CFAP61: variants seen among roughly 807,000 people sequenced by gnomAD.
CFAP61 encodes cilia- and flagella-associated protein 61.
CFAP61 carries 107 observed loss-of-function variants against 135.6 expected under a neutral mutation model. That is an observed-to-expected ratio of 0.79 (90% CI 0.67 to 0.93). The LOEUF (loss-of-function observed/expected upper bound fraction) is 0.93. Among genes scored for constraint, CFAP61 ranks in the 40% least tolerant of loss-of-function variants. CFAP61 has a pLI of 0.00. For missense variants in CFAP61, 1,507 were observed against 1,556.2 expected (o/e 0.97, Z 0.53); for synonymous variants, 575 against 578.5 (o/e 0.99, Z 0.09).
In CFAP61 at chr20:20,085,528, C is replaced by T. The variant is rs187730443; in HGVS notation, c.567-5316C>T. The T allele has an allele frequency of 4.2e-5, 57 of 1,366,310 alleles. 1 individual carries two copies. In the East Asian group the frequency reaches 2.2e-3, roughly 53 times the overall value. The allele number at this position is 1,366,310 out of a possible 1,614,324, so 84.6% of individuals were successfully genotyped here. A position where few individuals can be genotyped will look rare whatever the true frequency, so the allele number is the denominator to read the frequency against. On this transcript the variant is annotated intron_variant, in intron 6 of 26. Coordinates refer to ENST00000245957, the MANE Select transcript of CFAP61 (RefSeq NM_015585.4). ...TTTTTCTATTTTTCCCAGAAGAATT[C>T]GTGTTGAGGTATGATTATGGATAAC...
intron 13 of CFAP61, among the ~76,000 whole-genome samples, chr20:20,182,163 C>T (rs1009966486): frequency 4.6e-5 from 7 of 152,122 alleles, no homozygotes; most frequent in Admixed American, 1.3e-4. Context: ...CTCTAAATCT[C>T]TATGATTTAT....
At chr20:20,213,401 A>G (rs2047805638) in intron 17 of CFAP61, among the ~76,000 whole-genome samples, 1 of 152,108 alleles carries the variant, frequency 6.6e-6, no homozygotes, top group African/African-American at 2.4e-5. Context: ...CTATTTCTCA[A>G]AACGGGAGGG....
chr20:20,259,388 G>A (rs963884763), intron 20 of CFAP61, among the ~76,000 whole-genome samples: 2 of 150,724 alleles, frequency 1.3e-5, no homozygotes, highest in Admixed American at 1.3e-4. Context: ...CGAGTAGCTG[G>A]GACTATACAG....
chr20:20,169,895 C>A (rs1437660494), intron 13 of CFAP61, among the ~76,000 whole-genome samples: 2 of 152,102 alleles, frequency 1.3e-5, no homozygotes, highest in African/African-American at 4.8e-5. Flanking sequence ...TTTTTTTATA[C>A]TCTATCATAA....
At chr20:20,209,646 G>T (rs779580861) in intron 17 of CFAP61, among the ~76,000 whole-genome samples, 1 of 152,016 alleles carries the variant, frequency 6.6e-6, no homozygotes, top group African/African-American at 2.4e-5. Flanking sequence ...CCACCTGATG[G>T]GAGTAAAAGT....
intron 2 of CFAP61, among the ~76,000 whole-genome samples, chr20:20,064,754 T>A (rs1389195928): frequency 6.6e-6 from 1 of 152,102 alleles, no homozygotes; most frequent in Non-Finnish European, 1.5e-5. Flanking sequence ...TCCCAAGAGG[T>A]AGACCACATT....
At chr20:20,216,441 G>A (rs2048039592) in intron 17 of CFAP61, among the ~76,000 whole-genome samples, 1 of 152,208 alleles carries the variant, frequency 6.6e-6, no homozygotes, top group Non-Finnish European at 1.5e-5. Context: ...GTGAGCAAAA[G>A]GGAGAATTTC....
At chr20:20,175,791 A>C (rs1375854980) in intron 13 of CFAP61, among the ~76,000 whole-genome samples, 1 of 152,068 alleles carries the variant, frequency 6.6e-6, no homozygotes, top group African/African-American at 2.4e-5. Flanking sequence ...TCGGCCTCCC[A>C]AAATGCTGGG....
intron 17 of CFAP61, among the ~76,000 whole-genome samples, chr20:20,208,437 C>T (rs1276450812): frequency 6.6e-6 from 1 of 152,200 alleles, no homozygotes; most frequent in Non-Finnish European, 1.5e-5. Flanking sequence ...CTCCCCTGAC[C>T]CGCTGCTGAA....
chr20:20,283,855 T>C (rs1255448629), intron 22 of CFAP61, among the ~76,000 whole-genome samples: 1 of 152,240 alleles, frequency 6.6e-6, no homozygotes, highest in Non-Finnish European at 1.5e-5. Context: ...TCCCTTCATA[T>C]TTCAAATCCT....
At chr20:20,082,017 G>C (rs1241207250) in intron 6 of CFAP61, among the ~76,000 whole-genome samples, 1 of 152,170 alleles carries the variant, frequency 6.6e-6, no homozygotes, top group Non-Finnish European at 1.5e-5. Flanking sequence ...TTCGAGTTTT[G>C]ATACTTGCAG....
chr20:20,231,342 G>C (rs2049121683), intron 18 of CFAP61, among the ~76,000 whole-genome samples: 1 of 152,100 alleles, frequency 6.6e-6, no homozygotes, highest in Non-Finnish European at 1.5e-5. Context: ...GAGCCTGTTG[G>C]GCCCTCCAGC....
At chr20:20,143,639 C>G (rs1294914677) in intron 9 of CFAP61, among the ~76,000 whole-genome samples, 1 of 152,200 alleles carries the variant, frequency 6.6e-6, no homozygotes, top group Non-Finnish European at 1.5e-5. Flanking sequence ...GGAAACAAGC[C>G]AAGCGAATCC....
At chr20:20,054,412 T>TACAAACAC (rs759860912) in intron 1 of CFAP61, among the ~76,000 whole-genome samples, 10 of 151,356 alleles carry the variant, frequency 6.6e-5, no homozygotes, top group Non-Finnish European at 1.3e-4. Flanking sequence ...TATATATATA[T>TACAAACAC]ATACACACAC....
intron 17 of CFAP61, among the ~76,000 whole-genome samples, chr20:20,212,036 C>A (rs1165178250): frequency 6.6e-6 from 1 of 152,164 alleles, no homozygotes; most frequent in Admixed American, 6.5e-5. Context: ...TGACAATGTC[C>A]CATAGAATTA....
chr20:20,200,434 C>A (rs2056557721), intron 17 of CFAP61, among the ~76,000 whole-genome samples: 1 of 152,208 alleles, frequency 6.6e-6, no homozygotes. Context: ...GAGTTTCTGA[C>A]CTTAAAATGA....
intron 8 of CFAP61, among the ~76,000 whole-genome samples, chr20:20,099,731 A>G (rs1461212322): frequency 6.6e-6 from 1 of 152,162 alleles, no homozygotes; most frequent in Non-Finnish European, 1.5e-5. Context: ...AAATCAGGGT[A>G]TTTCAAATTG....
At position 20,175,489 on chromosome 20, in the gene CFAP61, TTTTTGTTTTGTTTTG is replaced by T. The variant is rs11467125; in HGVS notation, c.1385+6070_1385+6084del. ...GTAGGGGCTTCTGGTTTTTTTTTTGTTTTTGTTTTGTTTTGTTTTGTTTTGTTTTGTTTTGTTTTG... is the reference window on the plus strand; with the variant it reads ...GTAGGGGCTTCTGGTTTTTTTTTTGTTTTTGTTTTGTTTTGTTTTGTTTTG... On this transcript the variant is annotated intron_variant, in intron 13 of 26. Coordinates refer to ENST00000245957, the MANE Select transcript of CFAP61 (RefSeq NM_015585.4). Among the ~76,000 whole-genome samples, 1,356 of 145,892 alleles carry T rather than the reference TTTTTGTTTTGTTTTG, an allele frequency of 9.3e-3. 27 individuals are homozygous for T. The highest frequency in any genetic ancestry group is 0.033 in the African/African-American group (1,282 of 38,876).
chr20:20,163,249 T>G (rs886479554), intron 10 of CFAP61, among the ~76,000 whole-genome samples: 2 of 152,222 alleles, frequency 1.3e-5, no homozygotes, highest in African/African-American at 4.8e-5. Flanking sequence ...AATCATCTTC[T>G]GAGTTATGAC....
Sources: allele counts gnomAD v4.1 joint callset (sites outside exome capture counted in the v4.1 genomes callset), GRCh38; gene constraint gnomAD v4.1.1; transcripts MANE v1.5; gene names NCBI Gene and HGNC (gene_info 2026-07-23, HGNC 2026-07-21).